RGL1: variants seen among roughly 807,000 people sequenced by gnomAD.
RGL1 encodes the protein ral guanine nucleotide dissociation stimulator-like 1.
Under a neutral mutation model 95.2 loss-of-function variants are expected in RGL1, and 24 were observed. The ratio of observed to expected loss-of-function variants is 0.25; its 90% CI spans 0.18 to 0.35. The LOEUF is 0.35. RGL1 is among the 10% of genes least tolerant of loss of function. RGL1 has a pLI of 1.00. For missense variants in RGL1, 715 were observed against 936.3 expected (o/e 0.76, Z 3.08); for synonymous variants, 329 against 344.9 (o/e 0.95, Z 0.51).
At chr1:183,770,278 T>C (rs1659207509) in intron 2 of RGL1, among the ~76,000 whole-genome samples, 1 of 152,214 alleles carries the variant, frequency 6.6e-6, no homozygotes, top group Admixed American at 6.5e-5. Context: ...AAGGCTGTTC[T>C]TCCTAGGTGA....
chr1:183,874,754 C>G (rs1309022399), intron 4 of RGL1, among the ~76,000 whole-genome samples: 1 of 152,170 alleles, frequency 6.6e-6, no homozygotes, highest in Non-Finnish European at 1.5e-5. Context: ...TTCATCCTTT[C>G]CAGGAAAAAA....
At chr1:183,710,798 G>A (rs1214871342) in intron 1 of RGL1, among the ~76,000 whole-genome samples, 1 of 152,094 alleles carries the variant, frequency 6.6e-6, no homozygotes, top group African/African-American at 2.4e-5. Context: ...CCTCCCACCA[G>A]GTACAATTTG....
At chr1:183,917,476 A>G (rs1180583042) in intron 16 of RGL1, among the ~76,000 whole-genome samples, 1 of 152,216 alleles carries the variant, frequency 6.6e-6, no homozygotes, top group African/African-American at 2.4e-5. Context: ...TCCCACAGCT[A>G]ATTCCACATC....
At chr1:183,875,348 A>G (rs1666425820) in intron 4 of RGL1, among the ~76,000 whole-genome samples, 1 of 152,210 alleles carries the variant, frequency 6.6e-6, no homozygotes, top group South Asian at 2.1e-4. Context: ...TTTACTGCCT[A>G]TGGAATGTTA....
intron 4 of RGL1, among the ~76,000 whole-genome samples, chr1:183,880,280 G>A (rs1158538077): frequency 1.3e-5 from 2 of 152,132 alleles, no homozygotes; most frequent in Non-Finnish European, 2.9e-5. Flanking sequence ...TGTACAGATT[G>A]CTTTGAAGTT....
intron 1 of RGL1, among the ~76,000 whole-genome samples, chr1:183,696,779 T>C (rs1203260942): frequency 6.6e-6 from 1 of 152,232 alleles, no homozygotes; most frequent in Non-Finnish European, 1.5e-5. Context: ...ATCCCTGAAC[T>C]TCTGGTCTTT....
At chr1:183,859,110 C>T (rs1319974024) in intron 3 of RGL1, among the ~76,000 whole-genome samples, 1 of 152,144 alleles carries the variant, frequency 6.6e-6, no homozygotes, top group South Asian at 2.1e-4. Flanking sequence ...TTCTGTTGTC[C>T]GTCATTGTAG....
Position 183,799,012 on chromosome 1 carries a change from C to T in RGL1, c.133-7363C>T, listed in dbSNP as rs376169541. The stretch of plus-strand genomic sequence containing the variant: ...CTCCGCCTCCCGGGTTTGCCATTCT[C>T]CTGCCTCAGCCTCCCAAGTAGCTGG... On this transcript the variant is annotated intron_variant, in intron 2 of 18. Transcript: ENST00000304685. Among the ~76,000 whole-genome samples the T allele has an allele frequency of 2.6e-5, 4 of 151,856 alleles. No homozygotes were observed. The East Asian group carries it at 7.8e-4, about 29-fold the overall frequency.
chr1:183,648,958 ATTC>A, intron 1 of RGL1: 1 of 573,670 alleles, frequency 1.7e-6, no homozygotes, highest in South Asian at 2.7e-5. Flanking sequence ...AGGATTCATT[ATTC>A]TTTATTGAGA....
chr1:183,758,038 C>G (rs1033026512), intron 2 of RGL1, among the ~76,000 whole-genome samples: 11 of 152,182 alleles, frequency 7.2e-5, no homozygotes, highest in African/African-American at 2.7e-4. Flanking sequence ...TGAACAAATA[C>G]CAGTGTGCCC....
intron 1 of RGL1, among the ~76,000 whole-genome samples, chr1:183,718,109 G>C (rs1355344732): frequency 6.6e-6 from 1 of 152,044 alleles, no homozygotes; most frequent in East Asian, 1.9e-4. Context: ...AGCTGGGCAT[G>C]GTGGCACACG....
At chr1:183,902,475 C>G in intron 11 of RGL1, 93 bp from the exon 12 acceptor site, 1 of 920,390 alleles carries the variant, frequency 1.1e-6, no homozygotes, top group Non-Finnish European at 1.6e-6. Flanking sequence ...ACTTTATCAC[C>G]CCTTTGATCT....
At chr1:183,677,028 C>A (rs1209970704) in intron 1 of RGL1, among the ~76,000 whole-genome samples, 1 of 151,444 alleles carries the variant, frequency 6.6e-6, no homozygotes, top group East Asian at 2.0e-4. Flanking sequence ...TCAACTCAGA[C>A]ATGTAGAGCT....
intron 16 of RGL1, among the ~76,000 whole-genome samples, chr1:183,918,300 A>C (rs1275653097): frequency 6.6e-6 from 1 of 152,124 alleles, no homozygotes; most frequent in Non-Finnish European, 1.5e-5. Flanking sequence ...TGAGTGTAGG[A>C]TGAGGCAGAA....
chr1:183,813,579 G>A (rs1234618537), intron 2 of RGL1, among the ~76,000 whole-genome samples: 2 of 152,150 alleles, frequency 1.3e-5, no homozygotes, highest in East Asian at 3.9e-4. Flanking sequence ...GAAGACCATG[G>A]AGAGAGAATA....
chr1:183,758,050 T>C (rs1440265782), intron 2 of RGL1, among the ~76,000 whole-genome samples: 5 of 152,232 alleles, frequency 3.3e-5, no homozygotes, highest in African/African-American at 9.6e-5. Flanking sequence ...AGTGTGCCCA[T>C]TGAGTCATAA....
At chr1:183,909,144 G>A (rs184018625) in intron 14 of RGL1, among the ~76,000 whole-genome samples, 91 of 152,296 alleles carry the variant, frequency 6.0e-4, no homozygotes, top group Middle Eastern at 3.4e-3. Flanking sequence ...TATTATGAAA[G>A]CAGTTCATAT....
chr1:183,790,207 G>A (rs1297262688), intron 2 of RGL1, among the ~76,000 whole-genome samples: 3 of 152,040 alleles, frequency 2.0e-5, no homozygotes, highest in Admixed American at 6.6e-5. Flanking sequence ...GATTAGAGGC[G>A]TGAGCCACTG....
chr1:183,667,334 A>T (rs1652110003), intron 1 of RGL1, among the ~76,000 whole-genome samples: 2 of 151,656 alleles, frequency 1.3e-5, no homozygotes, highest in South Asian at 2.1e-4. Context: ...TTATTTATTT[A>T]TTTTTTTGAG....
Sources: gnomAD v4.1 joint callset for allele counts (sites outside exome capture counted in the v4.1 genomes callset) on GRCh38, gnomAD v4.1.1 for gene constraint, MANE v1.5 for transcripts, NCBI Gene and HGNC (gene_info 2026-07-23, HGNC 2026-07-21) for gene names.